The following FANCC variants were observed in gnomAD, a reference collection of about 807,000 sequenced individuals.
The protein encoded by FANCC is FA complementation group C.
FANCC carries 55 observed loss-of-function variants against 71.3 expected under a neutral mutation model. The ratio of observed to expected loss-of-function variants is 0.77; its 90% confidence interval spans 0.62 to 0.97. FANCC has a LOEUF of 0.97. Ranked by LOEUF, FANCC falls within the 50% of genes least tolerant of loss-of-function variation. The pLI is 0.00. For missense variants in FANCC, 678 were observed against 670.9 expected (o/e 1.01, Z -0.12); for synonymous variants, 275 against 244.9 (o/e 1.12, Z -1.15).
intron 6 of FANCC, among the ~76,000 whole-genome samples, chr9:95,167,502 TTTTC>T (rs1282234432): frequency 6.6e-6 from 1 of 152,148 alleles, no homozygotes; most frequent in Non-Finnish European, 1.5e-5. Flanking sequence ...CTTCATTCTT[TTTTC>T]TTTTTGTTTC....
intron 1 of FANCC, among the ~76,000 whole-genome samples, chr9:95,270,484 G>C (rs1367339251): frequency 1.3e-5 from 2 of 152,186 alleles, no homozygotes; most frequent in East Asian, 3.9e-4. Context: ...TTATTTCACA[G>C]AAAAATAAGA....
At chr9:95,189,031 T>C (rs572278253) in intron 4 of FANCC, among the ~76,000 whole-genome samples, 1 of 152,370 alleles carries the variant, frequency 6.6e-6, no homozygotes, top group Admixed American at 6.5e-5. Flanking sequence ...TCTGGGATGC[T>C]ATTCAAATAC....
chr9:95,222,788 G>GT (rs1293866986), intron 4 of FANCC, among the ~76,000 whole-genome samples: 1 of 152,096 alleles, frequency 6.6e-6, no homozygotes, highest in African/African-American at 2.4e-5. Flanking sequence ...TTCATTTTCT[G>GT]TGTTTCCTTC....
At chr9:95,130,816 A>ACTC (rs1826787105) in intron 8 of FANCC, among the ~76,000 whole-genome samples, 1 of 152,062 alleles carries the variant, frequency 6.6e-6, no homozygotes, top group Non-Finnish European at 1.5e-5. Flanking sequence ...TCACCAGTGA[A>ACTC]CTCCTCTATT....
chr9:95,286,156 C>A (rs1322000056), intron 1 of FANCC, among the ~76,000 whole-genome samples: 1 of 152,194 alleles, frequency 6.6e-6, no homozygotes, highest in Non-Finnish European at 1.5e-5. Context: ...GGAAAGCAAA[C>A]ACCACAATGT....
At position 95,297,331 on chromosome 9, in the gene FANCC, C is replaced by G. The variant is rs4647378; in HGVS notation, c.-79+20195G>C. ...AGGCCAGCCAAAGGAATACACTACT[C>G]GTGCTTTTATATTTTGATCTCACCA... is the stretch of plus-strand genomic sequence containing the variant. On this transcript the variant is annotated intron_variant, in intron 1 of 14. Transcript: ENST00000289081. 3.3e-3 allele frequency among the ~76,000 whole-genome samples: 507 copies of G among 152,336 alleles called. 9 individuals are homozygous for G. The East Asian group carries it at 0.043, about 13-fold the overall frequency.
At chr9:95,209,042 G>GT (rs1472658167) in intron 4 of FANCC, among the ~76,000 whole-genome samples, 1 of 152,152 alleles carries the variant, frequency 6.6e-6, no homozygotes, top group African/African-American at 2.4e-5. Context: ...TGGATAAGCT[G>GT]TAATATATCC....
intron 4 of FANCC, among the ~76,000 whole-genome samples, chr9:95,201,267 C>T (rs1003444244): frequency 1.1e-4 from 17 of 152,208 alleles, no homozygotes; most frequent in African/African-American, 4.1e-4. Context: ...CACACCCACC[C>T]GCTTGCACTG....
chr9:95,114,710 T>C lies in FANCC; in HGVS notation c.1073A>G (p.Asp358Gly), dbSNP rs1269587960. The change falls in exon 12 of 15, where the codon GAT becomes GGT. Residue 358 changes from aspartate to glycine, a missense_variant and splice_region_variant. Transcript: ENST00000289081. ...CTGGAGCCAGTGTCCCCGAGGGATA[T>C]CTGCGGGTGGAGAGAGATACGTCAG... The part of the protein sequence containing the change: ...LAMVLLQDPQ[D>G]IPRGHWLQTL... 1 of 1,614,054 alleles carries C rather than the reference T, an allele frequency of 6.2e-7. No homozygotes were observed. Among genetic ancestry groups the C allele is most frequent in the Non-Finnish European group, 8.5e-7 (1 of 1,179,902 alleles).
At chr9:95,148,660 TA>T (rs1397975756) in intron 7 of FANCC, among the ~76,000 whole-genome samples, 2 of 152,230 alleles carry the variant, frequency 1.3e-5, no homozygotes, top group South Asian at 4.1e-4. Context: ...TTGGAAGATA[TA>T]CATAACTCAA....
intron 4 of FANCC, among the ~76,000 whole-genome samples, chr9:95,189,112 T>C (rs564857358): frequency 4.5e-4 from 68 of 152,298 alleles, no homozygotes; most frequent in African/African-American, 1.6e-3. Flanking sequence ...CCATCCCTTT[T>C]GCAGTTTTAC....
chr9:95,168,346 C>T (rs1588214201), intron 6 of FANCC, among the ~76,000 whole-genome samples: 1 of 152,196 alleles, frequency 6.6e-6, no homozygotes, highest in South Asian at 2.1e-4. Flanking sequence ...CCATCGGCAG[C>T]ACTGTCAATT....
chr9:95,160,005 T>C (rs1830655329), intron 6 of FANCC, among the ~76,000 whole-genome samples: 1 of 152,238 alleles, frequency 6.6e-6, no homozygotes, highest in East Asian at 1.9e-4. Context: ...GTAGTTTCTT[T>C]TGCTGTGCAG....
chr9:95,157,558 T>G lies in FANCC; in HGVS notation c.522-7471A>C, dbSNP rs1588197031. On this transcript the variant is annotated intron_variant, in intron 6 of 14. Transcript: ENST00000289081. ...CAGAAAGGATGTTCCCAGCAGTACA[T>G]GGTTACCGTCTAGCCTTCTGCAGTT... Among the ~76,000 whole-genome samples the G allele has an allele frequency of 6.6e-5, 10 of 152,242 alleles. No homozygotes were observed. In the South Asian group the frequency reaches 2.1e-3, roughly 31 times the overall value.
At chr9:95,304,233 A>C (rs923299554) in intron 1 of FANCC, among the ~76,000 whole-genome samples, 1 of 152,192 alleles carries the variant, frequency 6.6e-6, no homozygotes, top group Non-Finnish European at 1.5e-5. Context: ...AGGAGGGAGA[A>C]AACAAAGAAA....
At chr9:95,121,888 C>T (rs1299208745) in intron 10 of FANCC, among the ~76,000 whole-genome samples, 2 of 147,188 alleles carry the variant, frequency 1.4e-5, no homozygotes, top group South Asian at 2.2e-4. Context: ...GATGGAGTCT[C>T]GCTCTGTCGC....
intron 4 of FANCC, among the ~76,000 whole-genome samples, chr9:95,238,660 G>C (rs1830459268): frequency 1.3e-5 from 2 of 151,960 alleles, no homozygotes; most frequent in Admixed American, 1.3e-4. Context: ...CTGCCTCCCA[G>C]GTTCAAGCGA....
chr9:95,249,022 A>G, intron 2 of FANCC, 105 bp downstream of exon 2: 1 of 1,191,040 alleles, frequency 8.4e-7, no homozygotes, highest in Non-Finnish European at 1.2e-6. Flanking sequence ...TCGGCACTTC[A>G]GTCAATACCA....
chr9:95,110,627 C>T (rs1488815484), intron 13 of FANCC: 12 of 1,041,538 alleles, frequency 1.2e-5, no homozygotes, highest in East Asian at 5.8e-5. Flanking sequence ...AAACAAAATA[C>T]GCAGACATCT....
Sources: allele counts gnomAD v4.1 joint callset (sites outside exome capture counted in the v4.1 genomes callset), GRCh38; gene constraint gnomAD v4.1.1; transcripts MANE v1.5; gene names NCBI Gene and HGNC (gene_info 2026-07-23, HGNC 2026-07-21).